The following GALC variants were observed in gnomAD, a reference collection of about 807,000 sequenced individuals.
GALC encodes the protein galactocerebrosidase.
A neutral mutation model predicts 91.8 loss-of-function variants in GALC; 77 were observed. The ratio of observed to expected loss-of-function variants is 0.84; its 90% confidence interval spans 0.70 to 1.01. The LOEUF is 1.01. Ranked by LOEUF, GALC falls within the 50% of genes least tolerant of loss-of-function variation. The pLI, the probability that GALC is intolerant of heterozygous loss-of-function variation, is 0.00. For missense variants in GALC, 882 were observed against 855.9 expected (o/e 1.03, Z -0.38); for synonymous variants, 357 against 306.7 (o/e 1.16, Z -1.71).
upstream of GALC, chr14:87,993,562 A>C: frequency 8.2e-7 from 1 of 1,225,766 alleles, no homozygotes; most frequent in Non-Finnish European, 1.1e-6. Flanking sequence ...TTCCATTGTC[A>C]TCTTGGTGGA....
intron 3 of GALC, 45 bp from the exon 4 acceptor site, chr14:87,986,647 T>C: frequency 8.3e-7 from 1 of 1,210,702 alleles, no homozygotes. Context: ...CCATGAATGG[T>C]ACTTCCTAGG....
chr14:87,949,302 T>C (rs1027950747), intron 12 of GALC, among the ~76,000 whole-genome samples: 6 of 152,124 alleles, frequency 3.9e-5, no homozygotes, highest in Admixed American at 1.3e-4. Context: ...AGAAGACCAG[T>C]CTTCTACCTT....
chr14:87,978,550 T>C (rs1886604758), intron 6 of GALC, among the ~76,000 whole-genome samples: 1 of 152,244 alleles, frequency 6.6e-6, no homozygotes, highest in East Asian at 1.9e-4. Context: ...CCATAAGTCA[T>C]TACGAACAGC....
At chr14:87,937,689 G>A (rs1487385911) in intron 16 of GALC, among the ~76,000 whole-genome samples, 1 of 151,538 alleles carries the variant, frequency 6.6e-6, no homozygotes, top group Non-Finnish European at 1.5e-5. Context: ...CAGGATGTGA[G>A]GCAAGATGCC....
intron 7 of GALC, among the ~76,000 whole-genome samples, chr14:87,974,154 G>T (rs543180824): frequency 6.6e-6 from 1 of 152,092 alleles, no homozygotes; most frequent in South Asian, 2.1e-4. Flanking sequence ...AAAATATAAA[G>T]ATTTTCAGAG....
At chr14:87,983,691 T>G (rs1347506343) in intron 5 of GALC, among the ~76,000 whole-genome samples, 1 of 152,198 alleles carries the variant, frequency 6.6e-6, no homozygotes, top group Non-Finnish European at 1.5e-5. Context: ...TAAGGCCCTG[T>G]GGGGTACGAT....
intron 16 of GALC, among the ~76,000 whole-genome samples, chr14:87,935,499 A>G (rs1337111855): frequency 6.6e-6 from 1 of 152,090 alleles, no homozygotes; most frequent in Non-Finnish European, 1.5e-5. Flanking sequence ...AGCGGGTGGA[A>G]GAAGGGAGGC....
At chr14:87,984,927 C>T (rs1292239509) in intron 4 of GALC, among the ~76,000 whole-genome samples, 3 of 125,964 alleles carry the variant, frequency 2.4e-5, no homozygotes, top group Non-Finnish European at 4.9e-5. Context: ...TTCTAAAAGG[C>T]TTATGCCAAA....
intron 13 of GALC, among the ~76,000 whole-genome samples, chr14:87,946,297 A>C (rs378816): frequency 0.49 from 74,727 of 151,864 alleles, 19,072 homozygotes; most frequent in African/African-American, 0.6. Flanking sequence ...TCTAAACTGC[A>C]GCAAAAACCA....
rs10135767 is a variant in GALC at position 87,959,955 on chromosome 14, G to T, written c.1161+3429C>A. 4.0e-3 allele frequency among the ~76,000 whole-genome samples: 612 copies of T among 152,200 alleles called. 6 individuals carry two copies. The highest frequency in any genetic ancestry group is 0.014 in the African/African-American group (580 of 41,514). ...ACACAATGGAGTACTATTAGTCATA[G>T]AATGAAATCCTGATATTTGCAACAA... On this transcript the variant is annotated intron_variant, in intron 10 of 16. Transcript: ENST00000261304.
At chr14:87,973,236 C>G (rs573038493) in intron 7 of GALC, among the ~76,000 whole-genome samples, 1 of 152,210 alleles carries the variant, frequency 6.6e-6, no homozygotes, top group South Asian at 2.1e-4. Context: ...AATATTGTTT[C>G]CATTAGCACT....
At chr14:87,974,157 T>C (rs923971190) in intron 7 of GALC, among the ~76,000 whole-genome samples, 2 of 152,152 alleles carry the variant, frequency 1.3e-5, no homozygotes, top group Non-Finnish European at 2.9e-5. Context: ...ATATAAAGAT[T>C]TTCAGAGGAA....
At chr14:87,959,072 A>C (rs1885687125) in intron 10 of GALC, among the ~76,000 whole-genome samples, 1 of 152,198 alleles carries the variant, frequency 6.6e-6, no homozygotes, top group South Asian at 2.1e-4. Context: ...ATATTTGCAA[A>C]TTATACATGA....
At position 87,976,400 on chromosome 14, in the gene GALC, A is replaced by T; in HGVS notation, c.710T>A (p.Met237Lys). The T allele has an allele frequency of 6.2e-7, 1 of 1,613,934 alleles. No homozygotes were observed. The highest frequency in any genetic ancestry group is 8.5e-7 in the Non-Finnish European group (1 of 1,179,794). Residue 237 changes from methionine to lysine, a missense_variant, in exon 7 of 17, where the codon ATG (methionine) becomes AAG (lysine). Met to Lys is a moderately conservative substitution (Grantham distance 95). Coordinates refer to ENST00000261304, the MANE Select transcript of GALC (RefSeq NM_000153.4). ...CTTGAAGAGTTCGGCATCAAGGAGC[A>T]TGGATGCAGAGATGGACTCCCAGAG... is the stretch of plus-strand genomic sequence containing the variant. ...DNLWESISAS[M>K]LLDAELFKVV...
At chr14:87,937,760 T>G (rs1884647079) in intron 16 of GALC, among the ~76,000 whole-genome samples, 1 of 151,722 alleles carries the variant, frequency 6.6e-6, no homozygotes, top group African/African-American at 2.4e-5. Flanking sequence ...TAAGAAAATT[T>G]TTAAAATCTC....
chr14:87,974,927 T>C (rs1364253901), intron 7 of GALC, among the ~76,000 whole-genome samples: 1 of 152,016 alleles, frequency 6.6e-6, no homozygotes, highest in Non-Finnish European at 1.5e-5. Context: ...TTCATGAAGA[T>C]ACAGTAAAAC....
intron 2 of GALC, 58 bp downstream of exon 2, chr14:87,988,397 T>C (rs1209047202): frequency 7.4e-7 from 1 of 1,343,624 alleles, no homozygotes; most frequent in Admixed American, 1.7e-5. Context: ...TATGGTGAAA[T>C]TCACCATCCA....
intron 6 of GALC, among the ~76,000 whole-genome samples, chr14:87,978,279 G>T (rs895693037): frequency 1.3e-5 from 2 of 152,106 alleles, no homozygotes; most frequent in African/African-American, 4.8e-5. Flanking sequence ...TCGAACTCCT[G>T]ACCTCAGGTG....
chr14:87,976,856 G>A, intron 6 of GALC: 1 of 249,770 alleles, frequency 4.0e-6, no homozygotes, highest in East Asian at 1.0e-4. Flanking sequence ...CCTCATGGAT[G>A]ATAATTTCAA....
Sources: gnomAD v4.1 joint callset for allele counts (sites outside exome capture counted in the v4.1 genomes callset) on GRCh38, gnomAD v4.1.1 for gene constraint, MANE v1.5 for transcripts, NCBI Gene and HGNC (gene_info 2026-07-23, HGNC 2026-07-21) for gene names.